Variants in EPN2 observed in about 807,000 individuals in gnomAD.
EPN2 encodes the protein epsin 2, also known as epsin-2.
Under a neutral mutation model 61.7 loss-of-function variants are expected in EPN2, and 34 were observed. The observed-to-expected ratio is 0.55, with a 90% CI of 0.42 to 0.73. The LOEUF is 0.73. Among genes scored for constraint, EPN2 ranks in the 30% least tolerant of loss-of-function variants. The probability of loss-of-function intolerance (pLI) is 0.00; values close to 1 mark genes in which losing one functional copy is unlikely to be tolerated. For synonymous variants in EPN2, 349 were observed against 353.6 expected (o/e 0.99, Z 0.15); for missense variants, 714 against 839.2 (o/e 0.85, Z 1.84).
chr17:19,328,683 TCTGAGCCCTGACC>T lies in EPN2; in HGVS notation c.1148-24_1148-12del. 6.3e-7 allele frequency: 1 copy of T among 1,578,004 alleles called. No homozygotes were observed. Among genetic ancestry groups the T allele is most frequent in the East Asian group, 2.3e-5 (1 of 44,098 alleles). On this transcript the variant is annotated splice_polypyrimidine_tract_variant and intron_variant, in intron 7 of 10. Transcript: ENST00000314728. ...GCTGCCCAGACCCTCTGAAGGCATT[TCTGAGCCCTGACC>T]CTGCCTTCCAACAGGTACCAAGCCA...
At chr17:19,272,566 C>G (rs1030620057) in intron 1 of EPN2, among the ~76,000 whole-genome samples, 1 of 152,164 alleles carries the variant, frequency 6.6e-6, no homozygotes, top group Non-Finnish European at 1.5e-5. Flanking sequence ...AGCGAGGACC[C>G]TGGGTACTGG....
chr17:19,281,695 G>A (rs968958541), intron 1 of EPN2, among the ~76,000 whole-genome samples: 1 of 152,126 alleles, frequency 6.6e-6, no homozygotes, highest in Admixed American at 6.6e-5. Flanking sequence ...CCTCACTTGT[G>A]TAGTGGGAAA....
chr17:19,320,289 T>C (rs575992849), intron 7 of EPN2, among the ~76,000 whole-genome samples: 1 of 152,320 alleles, frequency 6.6e-6, no homozygotes, highest in South Asian at 2.1e-4. Flanking sequence ...TCTGTTTCTC[T>C]ATCTCAGAGG....
In EPN2 at chr17:19,332,050, A is replaced by C; in HGVS notation, c.1609A>C (p.Asn537His). The C allele has an allele frequency of 1.9e-6, 3 of 1,610,666 alleles. No homozygotes were observed. The highest frequency in any genetic ancestry group is 2.5e-6 in the Non-Finnish European group (3 of 1,179,480). ...TRPAPPAQSL[N>H]PFLAPGAPAT... is the part of the protein sequence containing the mutation. ...GCCTGCCCCACCAGCCCAGTCCCTC[A>C]ACCCTTTCCTGGCACCAGGTAGGCT... Residue 537 changes from asparagine to histidine, a missense_variant, in exon 10 of 11, where the codon AAC becomes CAC. By Grantham distance (68) the Asn-to-His change is moderately conservative. This residue lies in a region of EPN2 where 410 missense variants were observed against 421.8 expected (regional missense o/e 0.97). Transcript: ENST00000314728.
chr17:19,282,100 AAG>A (rs952590321), intron 2 of EPN2, 23 bp downstream of exon 2: 15 of 152,214 alleles, frequency 9.9e-5, no homozygotes, highest in African/African-American at 3.6e-4. Flanking sequence ...TATCTGGAGG[AAG>A]AGAGGGGATA....
chr17:19,336,346 G>A lies in EPN2; in HGVS notation c.*2092G>A, dbSNP rs559127511. 1 of 152,420 alleles carries A rather than the reference G, an allele frequency of 6.6e-6. No individual in the cohort carries two copies. Among genetic ancestry groups the A allele is most frequent in the South Asian group, 2.1e-4 (1 of 4,828 alleles). The allele number at this position is 152,420 out of a possible 1,614,324, so 9.4% of individuals were successfully genotyped here. On this transcript the variant is annotated 3_prime_UTR_variant, in exon 11 of 11. Transcript: ENST00000314728. Reference sequence around the variant, plus strand: ...GTGCAGGGCCTGGGCCAGCCTTACAGGTCAGTAGACTAGACTCGACTACTT... The same window carrying A: ...GTGCAGGGCCTGGGCCAGCCTTACAAGTCAGTAGACTAGACTCGACTACTT...
At chr17:19,264,463 C>A (rs2045175281) in intron 1 of EPN2, among the ~76,000 whole-genome samples, 1 of 152,104 alleles carries the variant, frequency 6.6e-6, no homozygotes, top group African/African-American at 2.4e-5. Flanking sequence ...AAAGTGCAGC[C>A]TTATTTCCTA....
chr17:19,311,835 C>T (rs1906151926), intron 5 of EPN2, among the ~76,000 whole-genome samples: 1 of 152,198 alleles, frequency 6.6e-6, no homozygotes, highest in Non-Finnish European at 1.5e-5. Context: ...CTGGTGTGAC[C>T]CCACAGGGGT....
chr17:19,244,903 C>G (rs751303759), intron 1 of EPN2, among the ~76,000 whole-genome samples: 2 of 152,150 alleles, frequency 1.3e-5, no homozygotes, highest in Non-Finnish European at 2.9e-5. Context: ...TTTGCTGCCA[C>G]CTGTGTCAAA....
At chr17:19,328,047 GTTTT>G (rs1175812100) in intron 7 of EPN2, among the ~76,000 whole-genome samples, 1 of 152,106 alleles carries the variant, frequency 6.6e-6, no homozygotes, top group Admixed American at 6.5e-5. Context: ...TTTTGTGTGT[GTTTT>G]TTCTTTTTTT....
intron 9 of EPN2, among the ~76,000 whole-genome samples, chr17:19,331,402 T>C (rs1450886622): frequency 6.6e-6 from 1 of 152,178 alleles, no homozygotes; most frequent in African/African-American, 2.4e-5. Context: ...CCGGCCTGGC[T>C]CAGCACAGCC....
chr17:19,316,170 C>G (rs1906375618), intron 7 of EPN2, among the ~76,000 whole-genome samples: 1 of 152,178 alleles, frequency 6.6e-6, no homozygotes, highest in African/African-American at 2.4e-5. Flanking sequence ...CACATTTTGG[C>G]TATTATGAAT....
chr17:19,318,549 C>CAAAAAAAAAAAAAAAAAAAAAAAAAA (rs58660254), intron 7 of EPN2, among the ~76,000 whole-genome samples: 278 of 24,750 alleles, frequency 0.011, 91 homozygotes, highest in Non-Finnish European at 0.023. Context: ...GACTCCATCT[C>CAAAAAAAAAAAAAAAAAAAAAAAAAA]AAAAAAAAAA....
chr17:19,270,176 T>C (rs997245685), intron 1 of EPN2, among the ~76,000 whole-genome samples: 1 of 152,244 alleles, frequency 6.6e-6, no homozygotes, highest in Non-Finnish European at 1.5e-5. Flanking sequence ...AGGATTGTTA[T>C]GAAGATGCCA....
At chr17:19,247,891 G>A (rs1259895531) in intron 1 of EPN2, among the ~76,000 whole-genome samples, 2 of 152,234 alleles carry the variant, frequency 1.3e-5, no homozygotes, top group East Asian at 3.8e-4. Context: ...GGGCCTCAGT[G>A]CTGGCTGGGA....
chr17:19,241,710 A>C (rs918011745), intron 1 of EPN2, among the ~76,000 whole-genome samples: 5 of 152,216 alleles, frequency 3.3e-5, no homozygotes, highest in Non-Finnish European at 4.4e-5. Flanking sequence ...CAGTGAAATA[A>C]GTATATGTTG....
At chr17:19,291,657 G>A (rs2045466837) in intron 4 of EPN2, among the ~76,000 whole-genome samples, 1 of 152,010 alleles carries the variant, frequency 6.6e-6, no homozygotes, top group East Asian at 1.9e-4. Context: ...AGCCATGATG[G>A]TCTTGATCTC....
chr17:19,297,911 CAG>C (rs1035841373), intron 4 of EPN2, among the ~76,000 whole-genome samples: 3 of 152,116 alleles, frequency 2.0e-5, no homozygotes, highest in African/African-American at 7.2e-5. Context: ...TTTTTTGAGA[CAG>C]AGTCTCACTC....
At chr17:19,314,098 C>G (rs940910043) in intron 7 of EPN2, among the ~76,000 whole-genome samples, 1 of 152,124 alleles carries the variant, frequency 6.6e-6, no homozygotes, top group Non-Finnish European at 1.5e-5. Flanking sequence ...ACTCGGTTCC[C>G]TAGATGTTTG....
Sources: allele counts gnomAD v4.1 joint callset (sites outside exome capture counted in the v4.1 genomes callset), GRCh38; gene constraint gnomAD v4.1.1; regional missense constraint gnomAD v4.1.1; transcripts MANE v1.5; gene names NCBI Gene and HGNC (gene_info 2026-07-23, HGNC 2026-07-21).